RFX5: variants seen among roughly 807,000 people sequenced by gnomAD.
RFX5 encodes the protein regulatory factor X5.
In RFX5, 30 loss-of-function variants were observed where a neutral mutation model predicts 41.2. The observed-to-expected ratio is 0.73, with a 90% CI of 0.54 to 0.99. The LOEUF (loss-of-function observed/expected upper bound fraction) is 0.99, where lower values mean the gene tolerates loss of function less well. Among genes scored for constraint, RFX5 ranks in the 50% least tolerant of loss-of-function variants. RFX5 has a pLI of 0.00. For missense variants in RFX5, 715 were observed against 773.6 expected, an observed-to-expected ratio of 0.92 and a Z score of 0.90; for synonymous variants, 231 against 291.8, an observed-to-expected ratio of 0.79 and a Z score of 2.12.
rs966895996 is a variant in RFX5, at chr1:151,341,930, C to A, written c.*256G>T. ...TTCATCATACTTAGCCCATTCCTAC[C>A]TTCCCACAGGATAGCACAGGGAATA... On this transcript the variant is annotated 3_prime_UTR_variant, in exon 11 of 11. Coordinates refer to ENST00000452671, the MANE Select transcript of RFX5 (RefSeq NM_001025603.2). 10 of 678,918 alleles carry A rather than the reference C, an allele frequency of 1.5e-5. No homozygotes were observed. Among genetic ancestry groups the A allele is most frequent in the East Asian group, 2.9e-5 (1 of 34,030 alleles). The allele number at this position is 678,918 out of a possible 1,614,324, so 42.1% of individuals were successfully genotyped here.
Position 151,342,331 on chromosome 1 carries a change from TTGA to T in RFX5, c.1703_1705del (p.Ile568del), listed in dbSNP as rs1339546311. On this transcript the variant is annotated inframe_deletion, in exon 11 of 11. Coordinates refer to ENST00000452671, the MANE Select transcript of RFX5 (RefSeq NM_001025603.2). ...AGCCTCCTTTTGGCTTCTGCTGCCC[TTGA>T]TGACACTCACTTTTGAGGGGACCAA... 3 of 1,614,098 alleles carry T rather than the reference TTGA, an allele frequency of 1.9e-6. No individual in the cohort carries two copies. The highest frequency in any genetic ancestry group is 2.7e-5 in the African/African-American group (2 of 74,930).
chr1:151,345,830 C>A lies in RFX5; in HGVS notation c.150+98G>T, dbSNP rs1459778450. 13 of 1,550,684 alleles carry A rather than the reference C, an allele frequency of 8.4e-6. No individual in the cohort carries two copies. The East Asian group carries it at 2.5e-4, about 29-fold the overall frequency. Reference sequence around the variant, plus strand: ...TCTTCTGACAAGGCAGAGGACCCTACCTCTCCCACATCAATGTTTTGTTGA... The same window carrying A: ...TCTTCTGACAAGGCAGAGGACCCTAACTCTCCCACATCAATGTTTTGTTGA... On this transcript the variant is annotated intron_variant, in intron 4 of 10. Transcript: ENST00000452671.
intron 1 of RFX5, 87 bp from the exon 2 acceptor site, chr1:151,346,693 C>T: frequency 3.8e-6 from 1 of 261,160 alleles, no homozygotes; most frequent in South Asian, 4.2e-5. Context: ...CCCTCCTCCC[C>T]CTCAAAAACA....
At position 151,345,093 on chromosome 1, in the gene RFX5, C is replaced by T. The variant is rs1172876233; in HGVS notation, c.233+13G>A. On this transcript the variant is annotated intron_variant, in intron 5 of 10. Transcript: ENST00000452671. ...TCAGAACCTCTGCCATCTAAAACTA[C>T]TATCAAACCTACCTTTTGTCTCCAG... 5.6e-6 allele frequency: 9 copies of T among 1,612,110 alleles called. No individual in the cohort carries two copies. In the South Asian group the frequency reaches 9.9e-5, roughly 18 times the overall value.
chr1:151,342,157 A>G lies in RFX5; in HGVS notation c.*29T>C. 1.2e-6 allele frequency: 2 copies of G among 1,614,170 alleles called. No individual in the cohort carries two copies. The highest frequency in any genetic ancestry group is 1.7e-6 in the Non-Finnish European group (2 of 1,180,034). On this transcript the variant is annotated 3_prime_UTR_variant, in exon 11 of 11. Transcript: ENST00000452671. The stretch of plus-strand genomic sequence containing the variant: ...TCTACTAGGCAAAGTTAACGTAGGG[A>G]TATAAACACTCTTCCCCACAGACCT...
At chr1:151,344,707 A>ACCCCCCCCCCC in intron 6 of RFX5, 21 bp downstream of exon 6, 3 of 850,492 alleles carry the variant, frequency 3.5e-6, no homozygotes, top group South Asian at 1.4e-5. Context: ...CACTCATCCC[A>ACCCCCCCCCCC]CCACCCACCC....
At position 151,343,824 on chromosome 1, in the gene RFX5, C is replaced by T; in HGVS notation, c.614G>A (p.Cys205Tyr). The T allele has an allele frequency of 1.2e-6, 2 of 1,614,158 alleles. No individual in the cohort carries two copies. The highest frequency in any genetic ancestry group is 1.1e-5 in the South Asian group (1 of 91,082). Residue 205 changes from cysteine (C) to tyrosine (Y), a missense_variant, in exon 9 of 11, where the codon TGT (cysteine) becomes TAT (tyrosine). By Grantham distance (194) the Cys-to-Tyr change is radical. Transcript: ENST00000452671. ...APRDELVEAA[C>Y]ALTCDWAERI... The stretch of plus-strand genomic sequence containing the variant: ...CTCTGCCCAGTCACAGGTCAGGGCA[C>T]ACGCTGCCTCCACCAGTTCATCTCG...
In RFX5 at chr1:151,340,672, A is replaced by T. The variant is rs1650376076; in HGVS notation, c.*1514T>A. 6.6e-6 allele frequency: 1 copy of T among 152,590 alleles called. No homozygotes were observed. 9.5% of individuals were successfully genotyped at this position (152,590 alleles called of 1,614,324 possible). A position where few individuals can be genotyped will look rare whatever the true frequency, so the allele number is the denominator to read the frequency against. ...TAAAATGTTTTAATGTATATGTGTT[A>T]TGGGTCATAGGTACTCATTAGTATG... On this transcript the variant is annotated 3_prime_UTR_variant, in exon 11 of 11. Coordinates refer to ENST00000452671, the MANE Select transcript of RFX5 (RefSeq NM_001025603.2).
intron 6 of RFX5, 92 bp from the exon 7 acceptor site, chr1:151,344,628 C>A (rs1248935764): frequency 6.3e-7 from 1 of 1,599,786 alleles, no homozygotes; most frequent in Admixed American, 1.7e-5. Context: ...GTGAGGAACC[C>A]TTTAAGAAGG....
At chr1:151,345,765 G>T (rs534617744) in intron 4 of RFX5, among the ~76,000 whole-genome samples, 163 bp downstream of exon 4, 1 of 152,094 alleles carries the variant, frequency 6.6e-6, no homozygotes, top group East Asian at 1.9e-4. Context: ...CAAGTGAGAG[G>T]CACAAAGTCA....
chr1:151,345,543 C>T lies in RFX5; in HGVS notation c.151-355G>A, dbSNP rs186824244. 122 of 342,646 alleles carry T rather than the reference C, an allele frequency of 3.6e-4. 1 individual carries two copies. The highest frequency in any genetic ancestry group is 2.6e-3 in the South Asian group (102 of 39,298). 21.2% of individuals were successfully genotyped at this position (342,646 alleles called of 1,614,324 possible). On this transcript the variant is annotated intron_variant, in intron 4 of 10. Coordinates refer to ENST00000452671, the MANE Select transcript of RFX5 (RefSeq NM_001025603.2). Reference sequence around the variant, plus strand: ...AGGAGAATGGCGTGAACCTGGGAGGCGGAGCTTGCAGTGAGCCGAGATTGC... The same window carrying T: ...AGGAGAATGGCGTGAACCTGGGAGGTGGAGCTTGCAGTGAGCCGAGATTGC...
intron 9 of RFX5, 100 bp from the exon 10 acceptor site, chr1:151,343,542 A>G: frequency 1.4e-6 from 2 of 1,411,972 alleles, no homozygotes; most frequent in Non-Finnish European, 2.0e-6. Context: ...GAGACAGGAA[A>G]TGGGGTGCTA....
chr1:151,346,435 G>A, intron 2 of RFX5, 54 bp downstream of exon 2: 2 of 853,334 alleles, frequency 2.3e-6, no homozygotes, highest in East Asian at 2.6e-5. Flanking sequence ...GAAAGGCAGA[G>A]AAACAGAAAC....
intron 8 of RFX5, 131 bp from the exon 9 acceptor site, chr1:151,344,013 C>A: frequency 8.8e-7 from 1 of 1,137,590 alleles, no homozygotes; most frequent in East Asian, 2.5e-5. Flanking sequence ...CTACCTATCC[C>A]ATTGCAGAAG....
Position 151,342,353 on chromosome 1 carries a change from G to A in RFX5, c.1684C>T (p.Pro562Ser). 1.2e-6 allele frequency: 2 copies of A among 1,614,160 alleles called. No individual in the cohort carries two copies. The highest frequency in any genetic ancestry group is 1.7e-6 in the Non-Finnish European group (2 of 1,180,026). ...KEAEDKIPLV[P>S]SKVSVIKGSR... is the part of the protein sequence containing the mutation. The stretch of plus-strand genomic sequence containing the variant: ...CCCTTGATGACACTCACTTTTGAGG[G>A]GACCAAGGGAATTTTATCTTCTGCT... Residue 562 changes from proline to serine, a missense_variant, in exon 11 of 11, where the codon CCC becomes TCC. Coordinates refer to ENST00000452671, the MANE Select transcript of RFX5 (RefSeq NM_001025603.2).
chr1:151,344,482 G>A lies in RFX5; in HGVS notation c.408C>T (p.Gly136=), dbSNP rs1373374059. ...CAGGGAAGATCTCTCTGATGATCTT[G>A]CCAAAGTTGGCTGTGCTGAGTGGGC... ...CCRPLSTANF[G]KIIREIFPDI... Residue 136 remains glycine (G), a synonymous_variant, in exon 7 of 11, where the codon GGC becomes GGT. Coordinates refer to ENST00000452671, the MANE Select transcript of RFX5 (RefSeq NM_001025603.2). The A allele has an allele frequency of 1.9e-6, 3 of 1,614,086 alleles. No homozygotes were observed. The highest frequency in any genetic ancestry group is 2.5e-6 in the Non-Finnish European group (3 of 1,180,056).
At position 151,344,703 on chromosome 1, in the gene RFX5, T is replaced by TCCCCCCCCCCC; in HGVS notation, c.353+24_353+25insGGGGGGGGGGG. On this transcript the variant is annotated intron_variant, in intron 6 of 10. Coordinates refer to ENST00000452671, the MANE Select transcript of RFX5 (RefSeq NM_001025603.2). ...GGTCCTATGCCCACCAATCCACTCATCCCACCACCCACCCCTCCACCCACC... is the reference window on the plus strand; with the variant it reads ...GGTCCTATGCCCACCAATCCACTCATCCCCCCCCCCCCCCACCACCCACCCCTCCACCCACC... 2.0e-6 allele frequency: 3 copies of TCCCCCCCCCCC among 1,515,660 alleles called. No individual in the cohort carries two copies. The Admixed American group carries it at 5.9e-5, about 30-fold the overall frequency. The allele number at this position is 1,515,660 out of a possible 1,614,324, so 93.9% of individuals were successfully genotyped here.
Position 151,342,236 on chromosome 1 carries a change from G to C in RFX5, c.1801C>G (p.Gln601Glu), listed in dbSNP as rs778845318. 1 of 1,614,090 alleles carries C rather than the reference G, an allele frequency of 6.2e-7. No individual in the cohort carries two copies. The highest frequency in any genetic ancestry group is 1.3e-5 in the African/African-American group (1 of 74,928). Residue 601 changes from glutamine to glutamate, a missense_variant, in exon 11 of 11, where the codon CAA becomes GAA. Gln to Glu is a conservative substitution (Grantham distance 29, BLOSUM62 2). Transcript: ENST00000452671. ...TTATGCTCCTGGGATAAGGAACTTT[G>C]AAGCACATGCTCCTTTAAGTCTTTA... is the stretch of plus-strand genomic sequence containing the variant. ...GNKDLKEHVL[Q>E]SSLSQEHKDP... is the part of the protein sequence containing the mutation.
At chr1:151,344,910 C>T in intron 5 of RFX5, 63 bp from the exon 6 acceptor site, 2 of 1,613,822 alleles carry the variant, frequency 1.2e-6, no homozygotes, top group East Asian at 2.2e-5. Context: ...TCTTCCCAAA[C>T]TACCACTTCA....
Sources: allele counts gnomAD v4.1 joint callset (sites outside exome capture counted in the v4.1 genomes callset), GRCh38; gene constraint gnomAD v4.1.1; transcripts MANE v1.5; gene names NCBI Gene and HGNC (gene_info 2026-07-23, HGNC 2026-07-21).